TGFBRAP1: variants seen among roughly 807,000 people sequenced by gnomAD.
TGFBRAP1 encodes the protein transforming growth factor beta receptor associated protein 1.
Under a neutral mutation model 83.2 loss-of-function variants are expected in TGFBRAP1, and 20 were observed. The ratio of observed to expected loss-of-function variants is 0.24; its 90% CI spans 0.17 to 0.35. The LOEUF (loss-of-function observed/expected upper bound fraction) is 0.35. Among genes scored for constraint, TGFBRAP1 ranks in the 10% least tolerant of loss-of-function variants. TGFBRAP1 has a pLI of 1.00. For synonymous variants in TGFBRAP1, 415 were observed against 459.8 expected (o/e 0.90, Z 1.25); for missense variants, 950 against 1,099.4 (o/e 0.86, Z 1.92).
chr2:105,269,369 A>C lies in TGFBRAP1; in HGVS notation c.2309T>G (p.Leu770Arg), dbSNP rs2104306698. ...TWSVQLLCPFLMGAMRDSIHA... is the reference protein window; with the variant it reads ...TWSVQLLCPFRMGAMRDSIHA... ...GATGCTGTCCCTCATGGCCCCCATC[A>C]GGAATGGGCAGAGGAGCTGCACTGA... Residue 770 changes from leucine (L) to arginine (R), a missense_variant, in exon 11 of 12, where the codon CTG becomes CGG. By Grantham distance (102) the Leu-to-Arg change is moderately radical. Transcript: ENST00000393359. This position sits in a 1 kb window ranked among gnomAD's most constrained non-coding sequence, Gnocchi z 4.1. 1.2e-6 allele frequency: 2 copies of C among 1,614,038 alleles called. No homozygotes were observed. Among genetic ancestry groups the C allele is most frequent in the Non-Finnish European group, 1.7e-6 (2 of 1,179,998 alleles).
intron 1 of TGFBRAP1, among the ~76,000 whole-genome samples, chr2:105,325,328 T>C (rs1382589152): frequency 1.3e-5 from 2 of 152,168 alleles, no homozygotes; most frequent in East Asian, 1.9e-4. Context: ...ACACTCGATA[T>C]AGCATTATCC....
the TGFBRAP1 span, among the ~76,000 whole-genome samples, chr2:105,258,170 C>A: frequency 1.3e-5 from 2 of 152,134 alleles, no homozygotes; most frequent in African/African-American, 4.8e-5. Flanking sequence ...AGGCTCTGCC[C>A]CAGGAGGAAA....
In TGFBRAP1 at chr2:105,269,967, G is replaced by A. The variant is rs1461661774; in HGVS notation, c.1973-262C>T. On this transcript the variant is annotated intron_variant, in intron 10 of 11. Coordinates refer to ENST00000393359, the MANE Select transcript of TGFBRAP1 (RefSeq NM_004257.6). This position sits in a 1 kb window ranked among gnomAD's most constrained non-coding sequence, Gnocchi z 4.1. ...ATAATTCCTTTCTCTAGTGTTCAGA[G>A]GATGAAAAGAACAAATGAACCACAA... 6.6e-6 allele frequency among the ~76,000 whole-genome samples: 1 copy of A among 152,178 alleles called. No homozygotes were observed. Among genetic ancestry groups the A allele is most frequent in the African/African-American group, 2.4e-5 (1 of 41,424 alleles).
intron 4 of TGFBRAP1, among the ~76,000 whole-genome samples, chr2:105,287,829 G>A (rs558924357): frequency 1.3e-5 from 2 of 152,110 alleles, no homozygotes; most frequent in East Asian, 3.9e-4. Context: ...AATGGAGGGA[G>A]GTGGATAAAT....
intron 1 of TGFBRAP1, among the ~76,000 whole-genome samples, chr2:105,312,704 T>C (rs1258644495): frequency 6.6e-6 from 1 of 152,240 alleles, no homozygotes. Flanking sequence ...CTGGTGATAG[T>C]CAGAATCTTA....
At chr2:105,273,892 C>A (rs1216846634) in intron 8 of TGFBRAP1, among the ~76,000 whole-genome samples, 1 of 152,126 alleles carries the variant, frequency 6.6e-6, no homozygotes, top group African/African-American at 2.4e-5. Flanking sequence ...AAAAACAGCC[C>A]AGCATGAAGC....
In TGFBRAP1 at chr2:105,267,351, G is replaced by C; in HGVS notation, c.*32C>G. 1 of 1,610,116 alleles carries C rather than the reference G, an allele frequency of 6.2e-7. No individual in the cohort carries two copies. ...TGTCCAGCAGGCTCAGAAAGAACTC[G>C]GAGTTCCCCTCGCACCCTTGGGCCA... On this transcript the variant is annotated 3_prime_UTR_variant, in exon 12 of 12. Transcript: ENST00000393359.
At chr2:105,290,637 G>A (rs1677877629) in intron 4 of TGFBRAP1, among the ~76,000 whole-genome samples, 3 of 151,280 alleles carry the variant, frequency 2.0e-5, no homozygotes, top group African/African-American at 7.3e-5. Flanking sequence ...GTGTGTGTGT[G>A]TGTGTGTGTG....
intron 1 of TGFBRAP1, among the ~76,000 whole-genome samples, chr2:105,320,724 T>C (rs191445476): frequency 2.9e-4 from 44 of 152,324 alleles, no homozygotes; most frequent in Admixed American, 2.8e-3. Flanking sequence ...TCTTATTGTA[T>C]AAGCTACAAT....
At chr2:105,314,443 G>A (rs1400259840) in intron 1 of TGFBRAP1, among the ~76,000 whole-genome samples, 1 of 150,954 alleles carries the variant, frequency 6.6e-6, no homozygotes, top group Non-Finnish European at 1.5e-5. Context: ...GTAGAGACAG[G>A]GTTTCACCGT....
intron 2 of TGFBRAP1, among the ~76,000 whole-genome samples, chr2:105,299,440 G>A (rs1678208023): frequency 1.3e-5 from 2 of 152,094 alleles, no homozygotes; most frequent in Admixed American, 1.3e-4. Flanking sequence ...CAAGTAACAT[G>A]CTCTAGACAG....
chr2:105,251,111 G>C, the TGFBRAP1 span, among the ~76,000 whole-genome samples: 1 of 151,802 alleles, frequency 6.6e-6, no homozygotes. Flanking sequence ...CTGCCCCGCC[G>C]CCCATCGTCT....
At chr2:105,321,735 T>G (rs775743416) in intron 1 of TGFBRAP1, among the ~76,000 whole-genome samples, 3 of 152,216 alleles carry the variant, frequency 2.0e-5, no homozygotes, top group Admixed American at 6.5e-5. Flanking sequence ...TCCTATCACC[T>G]AGTGACAATC....
Position 105,317,201 on chromosome 2 carries a change from G to A in TGFBRAP1, c.-17-8883C>T, listed in dbSNP as rs148901551. Among the ~76,000 whole-genome samples the A allele has an allele frequency of 8.1e-3, 1,232 of 152,296 alleles. 18 individuals carry two copies. The highest frequency in any genetic ancestry group is 0.029 in the African/African-American group (1,185 of 41,554). On this transcript the variant is annotated intron_variant, in intron 1 of 11. Coordinates refer to ENST00000393359, the MANE Select transcript of TGFBRAP1 (RefSeq NM_004257.6). ...CGCCTGTAATCCCAGCACTCTGGGAGGCCGAGGTGGGAGGATCACGAGGTC... is the reference window on the plus strand; with the variant it reads ...CGCCTGTAATCCCAGCACTCTGGGAAGCCGAGGTGGGAGGATCACGAGGTC...
the TGFBRAP1 span, among the ~76,000 whole-genome samples, chr2:105,256,763 C>T: frequency 6.6e-6 from 1 of 152,184 alleles, no homozygotes; most frequent in Admixed American, 6.5e-5. Context: ...ACCTACTGGG[C>T]TGCATTCCCA....
At chr2:105,308,416 A>G in intron 1 of TGFBRAP1, 98 bp from the exon 2 acceptor site, 4 of 1,226,796 alleles carry the variant, frequency 3.3e-6, no homozygotes, top group Non-Finnish European at 4.4e-6. Flanking sequence ...TGTCATTTTC[A>G]TTAAAGAAAG....
At position 105,329,695 on chromosome 2, in the gene TGFBRAP1, T is replaced by G. The variant is rs1679321195; in HGVS notation, c.-88A>C. 1 of 145,020 alleles carries G rather than the reference T, an allele frequency of 6.9e-6. No individual in the cohort carries two copies. The highest frequency in any genetic ancestry group is 2.5e-5 in the African/African-American group (1 of 39,998). 9.0% of individuals were successfully genotyped at this position (145,020 alleles called of 1,614,324 possible). On this transcript the variant is annotated 5_prime_UTR_variant, in exon 1 of 12. Transcript: ENST00000393359. ...CCGCCGCCCCGCTCCGGCCCGCGGC[T>G]CCTGGGCTGGCCCGACCCCGCAGCC...
At chr2:105,322,644 C>T (rs1336772000) in intron 1 of TGFBRAP1, among the ~76,000 whole-genome samples, 1 of 152,100 alleles carries the variant, frequency 6.6e-6, no homozygotes, top group East Asian at 1.9e-4. Flanking sequence ...CAGTAGCATG[C>T]TGTATAGGTT....
At chr2:105,268,832 A>G (rs1257832923) in intron 11 of TGFBRAP1, among the ~76,000 whole-genome samples, 2 of 152,258 alleles carry the variant, frequency 1.3e-5, no homozygotes, top group Admixed American at 6.5e-5. Flanking sequence ...AGCTCTGGGC[A>G]CGCCCATTTC....
Sources: gnomAD v4.1 joint callset for allele counts (sites outside exome capture counted in the v4.1 genomes callset) on GRCh38, gnomAD v4.1.1 for gene constraint, Gnocchi (gnomAD v3.1) non-coding constraint, MANE v1.5 for transcripts, NCBI Gene and HGNC (gene_info 2026-07-23, HGNC 2026-07-21) for gene names.